Variants in GAREM1 observed in about 807,000 individuals in gnomAD.
GAREM1 encodes the protein GRB2-associated and regulator of MAPK protein 1.
A neutral mutation model predicts 71.3 loss-of-function variants in GAREM1; 26 were observed. The ratio of observed to expected loss-of-function variants is 0.36; its 90% confidence interval spans 0.27 to 0.51. The LOEUF is 0.51. Among genes scored for constraint, GAREM1 ranks in the 20% least tolerant of loss-of-function variants. The pLI is 0.95. For missense variants in GAREM1, 1,026 were observed against 1,103.1 expected, an observed-to-expected ratio of 0.93 and a Z score of 0.99; for synonymous variants, 440 against 433.2, an observed-to-expected ratio of 1.02 and a Z score of -0.20.
chr18:32,359,019 C>T (rs2047834782), intron 2 of GAREM1, among the ~76,000 whole-genome samples: 1 of 152,198 alleles, frequency 6.6e-6, no homozygotes, highest in Non-Finnish European at 1.5e-5. Context: ...ACCCGTCAGC[C>T]ATCCTCAGCT....
intron 2 of GAREM1, among the ~76,000 whole-genome samples, chr18:32,335,874 G>C (rs757859720): frequency 9.2e-5 from 14 of 152,188 alleles, no homozygotes; most frequent in Non-Finnish European, 1.8e-4. Flanking sequence ...ACAAGTGAGG[G>C]ATGCAAATGG....
At chr18:32,360,801 C>T (rs1010216014) in intron 2 of GAREM1, among the ~76,000 whole-genome samples, 1 of 152,170 alleles carries the variant, frequency 6.6e-6, no homozygotes, top group Admixed American at 6.5e-5. Flanking sequence ...TTTCTGCGAT[C>T]TCACTCTCCT....
At chr18:32,273,571 T>C (rs2041494983) in intron 4 of GAREM1, among the ~76,000 whole-genome samples, 1 of 152,140 alleles carries the variant, frequency 6.6e-6, no homozygotes, top group African/African-American at 2.4e-5. Context: ...GAAGCATTTC[T>C]AAGCTAAAGG....
intron 2 of GAREM1, among the ~76,000 whole-genome samples, chr18:32,385,878 G>A (rs1250116111): frequency 6.6e-6 from 1 of 152,160 alleles, no homozygotes. Flanking sequence ...CATTTCATGA[G>A]TTTGTTGTGA....
intron 1 of GAREM1, among the ~76,000 whole-genome samples, chr18:32,466,218 T>C (rs918140098): frequency 2.6e-4 from 40 of 152,174 alleles, no homozygotes; most frequent in African/African-American, 9.2e-4. Flanking sequence ...ATCAATAGAA[T>C]ACTTTCAAGC....
At chr18:32,386,384 C>T (rs187337750) in intron 2 of GAREM1, among the ~76,000 whole-genome samples, 20 of 152,304 alleles carry the variant, frequency 1.3e-4, no homozygotes, top group Middle Eastern at 3.4e-3. Context: ...GATATAAATC[C>T]AGGTGCTTGC....
intron 1 of GAREM1, among the ~76,000 whole-genome samples, chr18:32,465,890 G>A (rs2048994366): frequency 6.6e-6 from 1 of 152,120 alleles, no homozygotes; most frequent in South Asian, 2.1e-4. Flanking sequence ...CCTTCACAAT[G>A]GTTCTTCACT....
chr18:32,294,655 C>T (rs1210702531), intron 3 of GAREM1, among the ~76,000 whole-genome samples: 1 of 152,154 alleles, frequency 6.6e-6, no homozygotes, highest in Non-Finnish European at 1.5e-5. Flanking sequence ...CATTATCAAT[C>T]CCTGGACACT....
intron 1 of GAREM1, among the ~76,000 whole-genome samples, chr18:32,397,821 A>C (rs970119742): frequency 6.6e-6 from 1 of 152,202 alleles, no homozygotes; most frequent in Non-Finnish European, 1.5e-5. Context: ...GACCTAATAG[A>C]CATCTACAGA....
At chr18:32,269,581 G>A (rs1292835879) in intron 5 of GAREM1, among the ~76,000 whole-genome samples, 1 of 152,180 alleles carries the variant, frequency 6.6e-6, no homozygotes, top group Non-Finnish European at 1.5e-5. Flanking sequence ...AGAGATATGG[G>A]ATGGACCTAT....
intron 2 of GAREM1, among the ~76,000 whole-genome samples, chr18:32,364,928 T>C (rs1190645318): frequency 6.6e-6 from 1 of 152,154 alleles, no homozygotes; most frequent in Non-Finnish European, 1.5e-5. Context: ...ATGTGTATTA[T>C]TTCTCCAGAC....
intron 1 of GAREM1, among the ~76,000 whole-genome samples, chr18:32,399,537 C>T (rs1375469245): frequency 6.6e-6 from 1 of 152,100 alleles, no homozygotes; most frequent in Non-Finnish European, 1.5e-5. Context: ...AACAGACAAA[C>T]AGAGAGTCAA....
chr18:32,459,279 C>T (rs1322846573), intron 1 of GAREM1, among the ~76,000 whole-genome samples: 1 of 151,922 alleles, frequency 6.6e-6, no homozygotes, highest in Non-Finnish European at 1.5e-5. Context: ...CAGACTACTG[C>T]TATATGAAAG....
intron 2 of GAREM1, among the ~76,000 whole-genome samples, chr18:32,388,268 G>GA (rs1375886371): frequency 6.6e-6 from 1 of 151,988 alleles, no homozygotes; most frequent in African/African-American, 2.4e-5. Flanking sequence ...AAACAGAAGA[G>GA]AAAAAAATGC....
chr18:32,311,019 A>G (rs1415460037), intron 2 of GAREM1, among the ~76,000 whole-genome samples: 2 of 152,192 alleles, frequency 1.3e-5, no homozygotes, highest in African/African-American at 4.8e-5. Flanking sequence ...TTTTACTGCT[A>G]TATATGAAAT....
At chr18:32,448,752 T>C (rs150392318) in intron 1 of GAREM1, among the ~76,000 whole-genome samples, 15 of 152,352 alleles carry the variant, frequency 9.8e-5, no homozygotes, top group African/African-American at 3.6e-4. Flanking sequence ...AAACAGTTCT[T>C]ACTTTGCTGT....
At chr18:32,442,763 G>C (rs1346394130) in intron 1 of GAREM1, among the ~76,000 whole-genome samples, 3 of 152,136 alleles carry the variant, frequency 2.0e-5, no homozygotes, top group Non-Finnish European at 4.4e-5. Flanking sequence ...TGGGAAGAGA[G>C]ATGCTTTCAT....
intron 1 of GAREM1, among the ~76,000 whole-genome samples, chr18:32,394,538 A>C (rs1175480910): frequency 6.6e-6 from 1 of 152,222 alleles, no homozygotes; most frequent in African/African-American, 2.4e-5. Flanking sequence ...GTGGAGGTAC[A>C]TTAGCAGAAG....
rs563890727 is a variant in GAREM1, at chr18:32,415,149, G to T, written c.122-22114C>A. On this transcript the variant is annotated intron_variant, in intron 1 of 5. Transcript: ENST00000269209. ...CAGACATATACAATCTACCAAGAGT[G>T]AATTAAGAAGAAATCAAAACAAGAA... Among the ~76,000 whole-genome samples, 403 of 152,000 alleles carry T rather than the reference G, an allele frequency of 2.7e-3. 2 individuals carry two copies. The highest frequency in any genetic ancestry group is 0.017 in the Middle Eastern group (5 of 294).
Sources: allele counts gnomAD v4.1 joint callset (sites outside exome capture counted in the v4.1 genomes callset), GRCh38; gene constraint gnomAD v4.1.1; transcripts MANE v1.5; gene names NCBI Gene and HGNC (gene_info 2026-07-23, HGNC 2026-07-21).